The following AGBL1 variants were observed in gnomAD, a reference collection of about 807,000 sequenced individuals.
AGBL1 encodes cytosolic carboxypeptidase 4.
AGBL1 carries 130 observed loss-of-function variants against 118.9 expected under a neutral mutation model. The ratio of observed to expected loss-of-function variants is 1.09; its 90% CI spans 0.95 to 1.26. AGBL1 has a LOEUF of 1.26. Among genes scored for constraint, AGBL1 ranks in the 50% most tolerant of loss-of-function variants. The probability of loss-of-function intolerance (pLI) is 0.00; values close to 1 mark genes in which losing one functional copy is unlikely to be tolerated. For missense variants in AGBL1, 1,584 were observed against 1,298.1 expected, an observed-to-expected ratio of 1.22 and a Z score of -3.38; for synonymous variants, 555 against 478.9, an observed-to-expected ratio of 1.16 and a Z score of -2.08.
chr15:86,546,112 C>T lies in AGBL1; in HGVS notation c.2796C>T (p.Ile932=). The T allele has an allele frequency of 6.2e-7, 1 of 1,613,078 alleles. No homozygotes were observed. ...CATGCACTGTGGGCACATCTACTATCCTAGAGGAGGTCAACTACAGGGTAA... is the reference window on the plus strand; with the variant it reads ...CATGCACTGTGGGCACATCTACTATTCTAGAGGAGGTCAACTACAGGGTAA... ...QAACTVGTST[I]LEEVNYRTLP... is the part of the protein sequence containing the mutation. The change falls in exon 20 of 23, where the codon ATC becomes ATT. Residue 932 remains isoleucine, a synonymous_variant. Coordinates refer to ENST00000614907, the MANE Select transcript of AGBL1 (RefSeq NM_001386094.1).
At chr15:87,010,121 C>T (rs1169825316) in intron 24 of AGBL1, among the ~76,000 whole-genome samples, 1 of 152,102 alleles carries the variant, frequency 6.6e-6, no homozygotes, top group Admixed American at 6.6e-5. Context: ...GCTGTCTCAC[C>T]ACCCAAATCT....
chr15:86,628,728 G>A (rs147415968), intron 21 of AGBL1, among the ~76,000 whole-genome samples: 8 of 152,150 alleles, frequency 5.3e-5, no homozygotes, highest in East Asian at 3.9e-4. Flanking sequence ...CCCGGGAGGC[G>A]GAGCTTGCAG....
chr15:86,712,392 A>G (rs951886332), intron 22 of AGBL1, among the ~76,000 whole-genome samples: 1 of 151,398 alleles, frequency 6.6e-6, no homozygotes, highest in Non-Finnish European at 1.5e-5. Context: ...TACCACTGAC[A>G]TTAAAACGGA....
intron 1 of AGBL1, among the ~76,000 whole-genome samples, chr15:86,087,675 C>T (rs1304422848): frequency 6.6e-6 from 1 of 152,164 alleles, no homozygotes; most frequent in African/African-American, 2.4e-5. Flanking sequence ...ATATTATCCT[C>T]ATTTTAAAGC....
At chr15:87,020,372 A>G (rs2081652573) in intron 24 of AGBL1, among the ~76,000 whole-genome samples, 1 of 152,150 alleles carries the variant, frequency 6.6e-6, no homozygotes, top group Non-Finnish European at 1.5e-5. Context: ...AAAGCCATAT[A>G]TAACCAACCC....
At chr15:86,723,651 A>T (rs1401808409) in intron 22 of AGBL1, among the ~76,000 whole-genome samples, 1 of 152,182 alleles carries the variant, frequency 6.6e-6, no homozygotes, top group Non-Finnish European at 1.5e-5. Flanking sequence ...AACTTAAAGT[A>T]TAATAATAAA....
intron 21 of AGBL1, among the ~76,000 whole-genome samples, chr15:86,598,462 A>C (rs2084442472): frequency 6.6e-6 from 1 of 152,134 alleles, no homozygotes. Flanking sequence ...TGTTTGATCC[A>C]AGTGCAAAAT....
chr15:86,506,425 A>G (rs1475378691), intron 18 of AGBL1, among the ~76,000 whole-genome samples: 3 of 151,908 alleles, frequency 2.0e-5, no homozygotes, highest in African/African-American at 7.3e-5. Context: ...AATTGCCTCT[A>G]ATTTTTTTCA....
chr15:86,127,478 G>C (rs1438596840), intron 1 of AGBL1, among the ~76,000 whole-genome samples: 2 of 152,162 alleles, frequency 1.3e-5, no homozygotes, highest in African/African-American at 4.8e-5. Context: ...ATAGTGTGGT[G>C]AGTATGGACA....
chr15:86,093,031 C>A (rs112797164), intron 1 of AGBL1, among the ~76,000 whole-genome samples: 5 of 152,012 alleles, frequency 3.3e-5, no homozygotes, highest in Admixed American at 6.6e-5. Context: ...TTGGAAGGTG[C>A]CTGGGAAGGT....
intron 18 of AGBL1, among the ~76,000 whole-genome samples, chr15:86,463,288 GTT>G (rs796139856): frequency 7.3e-6 from 1 of 137,354 alleles, no homozygotes. Flanking sequence ...GGGGTTGTTT[GTT>G]TTTTTTTTTT....
intron 21 of AGBL1, among the ~76,000 whole-genome samples, chr15:86,649,489 C>T (rs1442634397): frequency 6.6e-6 from 1 of 151,982 alleles, no homozygotes; most frequent in Non-Finnish European, 1.5e-5. Flanking sequence ...TGAAGTGAGC[C>T]CAATCAGCAG....
At chr15:86,546,944 A>G (rs75330690) in intron 20 of AGBL1, among the ~76,000 whole-genome samples, 1 of 152,152 alleles carries the variant, frequency 6.6e-6, no homozygotes, top group Non-Finnish European at 1.5e-5. Flanking sequence ...TATGCAATTT[A>G]CTATGTGCAA....
At chr15:86,316,737 G>GTTGTCTTC (rs1451971662) in intron 17 of AGBL1, 1 of 152,226 alleles carries the variant, frequency 6.6e-6, no homozygotes, top group Non-Finnish European at 1.5e-5. Context: ...TACCCTAACT[G>GTTGTCTTC]TTGTCTTCCT....
chr15:86,628,228 C>A (rs1008116129), intron 21 of AGBL1, among the ~76,000 whole-genome samples: 1 of 152,170 alleles, frequency 6.6e-6, no homozygotes, highest in Non-Finnish European at 1.5e-5. Context: ...CCCCGCATTT[C>A]CATTCAAACA....
At chr15:86,412,179 A>G (rs2081629825) in intron 18 of AGBL1, among the ~76,000 whole-genome samples, 1 of 152,242 alleles carries the variant, frequency 6.6e-6, no homozygotes, top group Non-Finnish European at 1.5e-5. Context: ...TAACTAGTCT[A>G]TACAGACATG....
At chr15:86,905,158 A>G (rs866915548) in intron 22 of AGBL1, among the ~76,000 whole-genome samples, 1 of 151,644 alleles carries the variant, frequency 6.6e-6, no homozygotes, top group African/African-American at 2.4e-5. Context: ...GGCTTGGGAA[A>G]ATATTACATC....
At chr15:86,501,886 T>G (rs1301396171) in intron 18 of AGBL1, among the ~76,000 whole-genome samples, 1 of 151,608 alleles carries the variant, frequency 6.6e-6, no homozygotes, top group Admixed American at 6.6e-5. Context: ...GTCCTCCAGA[T>G]TCATTCTTTT....
chr15:86,673,208 T>C (rs1008921720), intron 21 of AGBL1, among the ~76,000 whole-genome samples: 42 of 152,186 alleles, frequency 2.8e-4, no homozygotes, highest in African/African-American at 9.7e-4. Context: ...ATTGAGCTAA[T>C]TTTGATCAAT....
Sources: gnomAD v4.1 joint callset for allele counts (sites outside exome capture counted in the v4.1 genomes callset) on GRCh38, gnomAD v4.1.1 for gene constraint, MANE v1.5 for transcripts, NCBI Gene and HGNC (gene_info 2026-07-23, HGNC 2026-07-21) for gene names.